The following FRMPD4 variants were observed in gnomAD, a reference collection of about 807,000 sequenced individuals.
The protein encoded by FRMPD4 is FERM and PDZ domain-containing protein 4.
FRMPD4 carries 22 observed loss-of-function variants against 94.1 expected under a neutral mutation model. That is an observed-to-expected ratio of 0.23 (90% confidence interval 0.17 to 0.33). The LOEUF (loss-of-function observed/expected upper bound fraction) is 0.33. Ranked by LOEUF, FRMPD4 falls within the 10% of genes least tolerant of loss-of-function variation. FRMPD4 has a pLI of 1.00. For synonymous variants in FRMPD4, 631 were observed against 548.6 expected, an observed-to-expected ratio of 1.15 and a Z score of -2.10; for missense variants, 1,111 against 1,339.9, an observed-to-expected ratio of 0.83 and a Z score of 2.67.
At chrX:12,260,620 C>T (rs1285816826) in intron 1 of FRMPD4, among the ~76,000 whole-genome samples, 1 of 112,003 alleles carries the variant, frequency 8.9e-6, no homozygotes, top group East Asian at 2.8e-4. Context: ...ATCTGAAATG[C>T]TAGCTGTGTG....
At chrX:12,523,943 C>G (rs1004810189) in intron 2 of FRMPD4, among the ~76,000 whole-genome samples, 1 of 110,899 alleles carries the variant, frequency 9.0e-6, no homozygotes, top group Non-Finnish European at 1.9e-5. Context: ...TCTCTTGAGG[C>G]CAGGAGTTCA....
chrX:12,414,699 T>G (rs892740381), intron 1 of FRMPD4, among the ~76,000 whole-genome samples: 2 of 111,744 alleles, frequency 1.8e-5, no homozygotes, highest in African/African-American at 6.5e-5. Context: ...CCAAAAATAA[T>G]GAAAGAGCAA....
upstream of FRMPD4, among the ~76,000 whole-genome samples, chrX:12,135,057 AGT>A: frequency 8.9e-6 from 1 of 112,111 alleles, no homozygotes; most frequent in South Asian, 3.8e-4. Flanking sequence ...AGTGTTTGAA[AGT>A]GTGTCTGGTT....
At chrX:12,595,347 A>T (rs1364737829) in intron 2 of FRMPD4, among the ~76,000 whole-genome samples, 1 of 111,906 alleles carries the variant, frequency 8.9e-6, no homozygotes, top group African/African-American at 3.2e-5. Flanking sequence ...GGTCGAAAGC[A>T]GTTTTCAGCC....
chrX:12,683,542 C>G lies in FRMPD4; in HGVS notation c.528C>G (p.Val176=), dbSNP rs777937320. ...AKKARLKSNP[V]KVRFSEEVII... is the part of the protein sequence containing the mutation. ...AGGCAAGATTAAAGTCCAATCCTGT[C>G]AAAGTACGCTTCTCTGAGGAGGTCA... Residue 176 remains valine (V), a synonymous_variant, in exon 6 of 17, where the codon GTC becomes GTG. Coordinates refer to ENST00000675598, the MANE Select transcript of FRMPD4 (RefSeq NM_001368397.1). 8 of 1,189,030 alleles carry G rather than the reference C, an allele frequency of 6.7e-6. No homozygotes were observed. The Admixed American group carries it at 1.7e-4, about 26-fold the overall frequency.
intron 3 of FRMPD4, among the ~76,000 whole-genome samples, chrX:12,069,408 G>C (rs189788565): frequency 1.8e-5 from 2 of 111,638 alleles, no homozygotes; most frequent in African/African-American, 6.5e-5. Context: ...AGGCAGCAAG[G>C]GTGGAAGCAG....
chrX:12,715,998 GCCT>G, intron 14 of FRMPD4, 68 bp from the exon 15 acceptor site: 1 of 383,858 alleles, frequency 2.6e-6, no homozygotes, highest in East Asian at 4.2e-5. Flanking sequence ...ACAGAGACGA[GCCT>G]CCCACCCCCG....
intron 3 of FRMPD4, among the ~76,000 whole-genome samples, chrX:12,030,362 A>T (rs1250573257): frequency 6.2e-5 from 7 of 112,379 alleles, no homozygotes; most frequent in Non-Finnish European, 1.3e-4. Context: ...TGCAAATGAG[A>T]CATCCCCAGG....
chrX:12,557,371 T>C (rs2058606976), intron 2 of FRMPD4, among the ~76,000 whole-genome samples: 1 of 111,778 alleles, frequency 8.9e-6, no homozygotes, highest in Non-Finnish European at 1.9e-5. Flanking sequence ...TCTCAATTAA[T>C]CTTCCCTAGA....
intron 3 of FRMPD4, among the ~76,000 whole-genome samples, chrX:12,003,190 T>A (rs2054533180): frequency 9.0e-6 from 1 of 111,235 alleles, no homozygotes; most frequent in Admixed American, 9.6e-5. Flanking sequence ...GGGAAGAGAG[T>A]CTGAGATCTG....
intron 1 of FRMPD4, among the ~76,000 whole-genome samples, chrX:12,453,947 G>A (rs753235091): frequency 8.9e-6 from 1 of 112,226 alleles, no homozygotes; most frequent in Non-Finnish European, 1.9e-5. Flanking sequence ...CTGTTTTATC[G>A]TGAAGGCTTA....
intron 1 of FRMPD4, among the ~76,000 whole-genome samples, chrX:12,431,235 C>A (rs966441075): frequency 5.3e-5 from 6 of 112,427 alleles, no homozygotes; most frequent in African/African-American, 1.9e-4. Context: ...TCATTATAAT[C>A]AAAATGCAAT....
intron 1 of FRMPD4, among the ~76,000 whole-genome samples, chrX:12,246,775 T>C (rs1404227036): frequency 9.0e-6 from 1 of 111,189 alleles, no homozygotes; most frequent in Non-Finnish European, 1.9e-5. Flanking sequence ...GTATAATCTT[T>C]CCTGGACACC....
At chrX:11,855,121 G>A (rs1003867943) in intron 1 of FRMPD4, among the ~76,000 whole-genome samples, 1 of 112,802 alleles carries the variant, frequency 8.9e-6, no homozygotes, top group African/African-American at 3.2e-5. Flanking sequence ...ACTAAGGCTT[G>A]GTGCTTGCAC....
intron 4 of FRMPD4, among the ~76,000 whole-genome samples, chrX:12,625,556 G>A (rs2059337693): frequency 8.9e-6 from 1 of 111,990 alleles, no homozygotes; most frequent in African/African-American, 3.2e-5. Flanking sequence ...AATATTGCAT[G>A]TTTTTATTAA....
intron 13 of FRMPD4, among the ~76,000 whole-genome samples, chrX:12,708,198 G>A (rs1339393035): frequency 1.8e-5 from 2 of 111,474 alleles, no homozygotes; most frequent in Non-Finnish European, 3.8e-5. Flanking sequence ...CTGGCCAGGT[G>A]CGGTGGCTGA....
At chrX:12,406,576 C>T (rs1470973035) in intron 1 of FRMPD4, among the ~76,000 whole-genome samples, 1 of 111,765 alleles carries the variant, frequency 8.9e-6, no homozygotes, top group Non-Finnish European at 1.9e-5. Flanking sequence ...TATGCTGAAC[C>T]CAGTGTAACT....
chrX:12,162,444 C>T (rs2056041268), intron 1 of FRMPD4, among the ~76,000 whole-genome samples: 1 of 112,299 alleles, frequency 8.9e-6, no homozygotes, highest in Non-Finnish European at 1.9e-5. Context: ...GCTGTGGTTG[C>T]ATGAGGTGTA....
intron 3 of FRMPD4, among the ~76,000 whole-genome samples, chrX:12,069,182 C>T (rs972191345): frequency 6.3e-5 from 7 of 111,607 alleles, no homozygotes; most frequent in African/African-American, 2.3e-4. Flanking sequence ...GGATGCTTTG[C>T]AGGTTCAATG....
Sources: allele counts gnomAD v4.1 joint callset (sites outside exome capture counted in the v4.1 genomes callset), GRCh38; gene constraint gnomAD v4.1.1; transcripts MANE v1.5; gene names NCBI Gene and HGNC (gene_info 2026-07-23, HGNC 2026-07-21).